GPLD1: variants seen among roughly 807,000 people sequenced by gnomAD.
The protein encoded by GPLD1 is glycosylphosphatidylinositol specific phospholipase D1, also known as phosphatidylinositol-glycan-specific phospholipase D.
Under a neutral mutation model 112.6 loss-of-function variants are expected in GPLD1, and 84 were observed. The ratio of observed to expected loss-of-function variants is 0.75; its 90% CI spans 0.63 to 0.89. GPLD1 has a LOEUF of 0.89. Ranked by LOEUF, GPLD1 falls within the 40% of genes least tolerant of loss-of-function variation. The probability of loss-of-function intolerance (pLI) is 0.00; values close to 1 mark genes in which losing one functional copy is unlikely to be tolerated. For missense variants in GPLD1, 1,044 were observed against 1,051.5 expected, an observed-to-expected ratio of 0.99 and a Z score of 0.10; for synonymous variants, 386 against 403.8, an observed-to-expected ratio of 0.96 and a Z score of 0.53.
rs552476127 is a variant in GPLD1, at chr6:24,457,121, C to T, written c.1009-484G>A. On this transcript the variant is annotated intron_variant, in intron 12 of 24. Coordinates refer to ENST00000230036, the MANE Select transcript of GPLD1 (RefSeq NM_001503.4). ...CTGACCTTAAGCAATCTACCTGCCTCGGCTCCCCCAAAGTGCTGGGATTAC... is the reference window on the plus strand; with the variant it reads ...CTGACCTTAAGCAATCTACCTGCCTTGGCTCCCCCAAAGTGCTGGGATTAC... Among the ~76,000 whole-genome samples, 75 of 152,284 alleles carry T rather than the reference C, an allele frequency of 4.9e-4. 1 individual carries two copies. The South Asian group carries it at 6.0e-3, about 12-fold the overall frequency.
intron 24 of GPLD1, among the ~76,000 whole-genome samples, chr6:24,430,386 C>CA (rs1226376526): frequency 6.6e-6 from 1 of 152,208 alleles, no homozygotes; most frequent in African/African-American, 2.4e-5. Flanking sequence ...GGTCATCATA[C>CA]ACCAAACTGG....
intron 10 of GPLD1, among the ~76,000 whole-genome samples, chr6:24,465,365 A>T (rs1763571509): frequency 6.6e-6 from 1 of 151,296 alleles, no homozygotes; most frequent in South Asian, 2.1e-4. Context: ...ACATGGTAAA[A>T]CCCCATCTCT....
At chr6:24,492,558 G>A (rs570438842), upstream of GPLD1, among the ~76,000 whole-genome samples, 67 of 151,908 alleles carry the variant, frequency 4.4e-4, no homozygotes, top group African/African-American at 1.5e-3. Context: ...AGAAAATGGG[G>A]GAGAGGATGA....
intron 4 of GPLD1, among the ~76,000 whole-genome samples, 164 bp from the exon 5 acceptor site, chr6:24,475,395 C>A (rs1003307528): frequency 6.6e-6 from 1 of 152,014 alleles, no homozygotes; most frequent in African/African-American, 2.4e-5. Context: ...ACATAAGAGG[C>A]CAGGTGCAGT....
upstream of GPLD1, among the ~76,000 whole-genome samples, chr6:24,492,535 A>G (rs1210160119): frequency 2.7e-4 from 41 of 150,840 alleles, no homozygotes; most frequent in African/African-American, 8.5e-4. Context: ...AAAGTGAAAG[A>G]AAAAAAAGAA....
At position 24,426,725 on chromosome 6, in the gene GPLD1, A is replaced by G. The variant is rs558827119; in HGVS notation, c.*2307T>C. On this transcript the variant is annotated 3_prime_UTR_variant, in exon 25 of 25. Coordinates refer to ENST00000230036, the MANE Select transcript of GPLD1 (RefSeq NM_001503.4). ...TCAGAGTGCTCTAACTGCTCAACTC[A>G]TAAGTGAATACAACTAAGTAATTTC... Among the ~76,000 whole-genome samples, 21 of 152,298 alleles carry G rather than the reference A, an allele frequency of 1.4e-4. No homozygotes were observed. The highest frequency in any genetic ancestry group is 4.3e-4 in the African/African-American group (18 of 41,564).
chr6:24,472,520 A>G, intron 7 of GPLD1, 62 bp downstream of exon 7: 1 of 933,890 alleles, frequency 1.1e-6, no homozygotes, highest in Non-Finnish European at 1.7e-6. Context: ...TTTTCTAAGA[A>G]AAAAAGTCAA....
At chr6:24,432,416 G>A (rs115886715) in intron 24 of GPLD1, among the ~76,000 whole-genome samples, 1,798 of 152,054 alleles carry the variant, frequency 0.012, 22 homozygotes, top group African/African-American at 0.04. Context: ...TTGACAACGT[G>A]GCAAAACCCC....
chr6:24,429,144 A>G (rs372890226), intron 24 of GPLD1, 26 bp from the exon 25 acceptor site: 3 of 1,468,208 alleles, frequency 2.0e-6, no homozygotes, highest in African/African-American at 2.8e-5. Context: ...GACAGAATTC[A>G]TGGCTCATTC....
At position 24,469,657 on chromosome 6, in the gene GPLD1, T is replaced by C. The variant is rs377284228; in HGVS notation, c.546-2383A>G. ...GTGGGGGGAGGGGGGAGGGATAGCA[T>C]TGGGAGATATACCTAATGCTAGATG... On this transcript the variant is annotated intron_variant, in intron 7 of 24. Coordinates refer to ENST00000230036, the MANE Select transcript of GPLD1 (RefSeq NM_001503.4). 9.9e-4 allele frequency among the ~76,000 whole-genome samples: 123 copies of C among 123,672 alleles called. 2 individuals carry two copies. The highest frequency in any genetic ancestry group is 5.4e-3 in the Admixed American group (64 of 11,944). The allele number at this position is 123,672 out of a possible 152,430, so 81.1% of individuals were successfully genotyped here. A position where few individuals can be genotyped will look rare whatever the true frequency, so the allele number is the denominator to read the frequency against.
chr6:24,431,923 G>A (rs1280599990), intron 24 of GPLD1, among the ~76,000 whole-genome samples: 4 of 152,032 alleles, frequency 2.6e-5, no homozygotes, highest in Non-Finnish European at 4.4e-5. Flanking sequence ...TCTCACCTGT[G>A]GGGATACTTG....
At chr6:24,453,306 G>T (rs1236127755) in intron 14 of GPLD1, among the ~76,000 whole-genome samples, 1 of 152,118 alleles carries the variant, frequency 6.6e-6, no homozygotes, top group Non-Finnish European at 1.5e-5. Flanking sequence ...ACAGTACATG[G>T]GAACTCTTTG....
intron 14 of GPLD1, among the ~76,000 whole-genome samples, chr6:24,451,420 C>A (rs1441317622): frequency 6.6e-6 from 1 of 152,174 alleles, no homozygotes; most frequent in Non-Finnish European, 1.5e-5. Flanking sequence ...CTCACCGCAA[C>A]CTCCGCCTCC....
intron 20 of GPLD1, among the ~76,000 whole-genome samples, chr6:24,440,419 G>A (rs1040679665): frequency 6.6e-6 from 1 of 151,868 alleles, no homozygotes; most frequent in African/African-American, 2.4e-5. Context: ...ACTCCAGCCT[G>A]GGCAACAGAG....
chr6:24,475,350 G>T, intron 4 of GPLD1, 119 bp from the exon 5 acceptor site: 2 of 644,134 alleles, frequency 3.1e-6, no homozygotes, highest in South Asian at 1.9e-5. Flanking sequence ...AAAAATTTCA[G>T]GCAAGTAAAT....
intron 20 of GPLD1, among the ~76,000 whole-genome samples, chr6:24,444,861 AAAGAT>A (rs1420186738): frequency 1.3e-5 from 2 of 152,116 alleles, no homozygotes; most frequent in African/African-American, 4.8e-5. Flanking sequence ...AAGAAAAATA[AAAGAT>A]AGGTCCTCAT....
At chr6:24,460,740 T>C (rs1462018121) in intron 11 of GPLD1, among the ~76,000 whole-genome samples, 1 of 17,112 alleles carries the variant, frequency 5.8e-5, no homozygotes, top group Non-Finnish European at 1.4e-4. Flanking sequence ...AGCATACTGA[T>C]TTTTTTTTTT....
intron 14 of GPLD1, 101 bp from the exon 15 acceptor site, chr6:24,450,000 C>T (rs1015645691): frequency 2.1e-5 from 15 of 731,416 alleles, no homozygotes; most frequent in Middle Eastern, 2.5e-4. Context: ...ACCCCCGCCC[C>T]CCGCCACCCA....
At chr6:24,487,679 T>C (rs1764423255) in intron 1 of GPLD1, among the ~76,000 whole-genome samples, 11 of 152,348 alleles carry the variant, frequency 7.2e-5, no homozygotes, top group Admixed American at 5.9e-4. Flanking sequence ...CCTCATTTTA[T>C]AGAATTGAGA....
Sources: gnomAD v4.1 joint callset for allele counts (sites outside exome capture counted in the v4.1 genomes callset) on GRCh38, gnomAD v4.1.1 for gene constraint, MANE v1.5 for transcripts, NCBI Gene and HGNC (gene_info 2026-07-23, HGNC 2026-07-21) for gene names.